DYSF: variants seen among roughly 807,000 people sequenced by gnomAD.
The protein encoded by DYSF is dysferlin, also known as dystrophy-associated fer-1-like 1.
DYSF carries 212 observed loss-of-function variants against 274.9 expected under a neutral mutation model. The observed-to-expected ratio is 0.77, with a 90% CI of 0.69 to 0.86. The LOEUF is 0.86. Ranked by LOEUF, DYSF falls within the 40% of genes least tolerant of loss-of-function variation. DYSF has a pLI of 0.00. For synonymous variants in DYSF, 1,091 were observed against 1,078.7 expected (o/e 1.01, Z -0.22); for missense variants, 2,666 against 2,783.2 (o/e 0.96, Z 0.95).
At position 71,570,337 on chromosome 2, in the gene DYSF, G is replaced by A. The variant is rs769921150; in HGVS notation, c.3085+3G>A. ...CAACCGGGCTGTCGATGAGCAAGGT[G>A]GGCAGCATGTGGAACCTGGCGAGCC... On this transcript the variant is annotated splice_donor_region_variant and intron_variant, in intron 28 of 55. Coordinates refer to ENST00000410020, the MANE Select transcript of DYSF (RefSeq NM_001130987.2). 7 of 1,613,708 alleles carry A rather than the reference G, an allele frequency of 4.3e-6. No individual in the cohort carries two copies. The highest frequency in any genetic ancestry group is 5.1e-6 in the Non-Finnish European group (6 of 1,179,802).
intron 1 of DYSF, 69 bp downstream of exon 1, chr2:71,467,002 T>C: frequency 6.6e-7 from 1 of 1,525,796 alleles, no homozygotes; most frequent in Non-Finnish European, 8.8e-7. Context: ...CTGGCGGGTC[T>C]GAAGCCCCTG....
chr2:71,558,296 G>T (rs1038709051), intron 22 of DYSF, among the ~76,000 whole-genome samples: 1 of 152,148 alleles, frequency 6.6e-6, no homozygotes, highest in Admixed American at 6.5e-5. Flanking sequence ...TGAGGGGGAG[G>T]TGAGGCATTC....
intron 41 of DYSF, among the ~76,000 whole-genome samples, chr2:71,642,924 ATCT>A (rs1214225556): frequency 1.3e-5 from 2 of 152,140 alleles, no homozygotes; most frequent in Non-Finnish European, 2.9e-5. Context: ...CTCCTGGGAG[ATCT>A]TCTAGCCTAC....
At chr2:71,513,687 C>T (rs1476253167) in intron 6 of DYSF, 29 bp from the exon 7 acceptor site, 1 of 1,611,154 alleles carries the variant, frequency 6.2e-7, no homozygotes, top group Admixed American at 1.7e-5. Context: ...CAGAGGGATC[C>T]AGGCCTCATT....
At chr2:71,490,611 G>A (rs1045668236) in intron 3 of DYSF, among the ~76,000 whole-genome samples, 1 of 152,234 alleles carries the variant, frequency 6.6e-6, no homozygotes, top group Non-Finnish European at 1.5e-5. Context: ...ACAGGCGTGA[G>A]CCACTGCGCC....
Position 71,682,601 on chromosome 2 carries a change from T to G in DYSF, c.6245T>G (p.Phe2082Cys). ...KTMKFILWRRFRWAIILFIIL... is the reference protein window; with the variant it reads ...KTMKFILWRRCRWAIILFIIL... ...ATGAAGTTCATCCTGTGGCGGCGTT[T>G]CCGGTGGGCCATCATCCTCTTCATC... The change falls in exon 55 of 56, where the codon TTC becomes TGC. Residue 2082 changes from phenylalanine to cysteine, a missense_variant. Around this residue, in one of 3 missense-constraint regions of DYSF, gnomAD observed 1,460 missense variants for 1,502.1 expected, o/e 0.97. Transcript: ENST00000410020. 6.2e-7 allele frequency: 1 copy of G among 1,614,156 alleles called. No individual in the cohort carries two copies. Among genetic ancestry groups the G allele is most frequent in the East Asian group, 2.2e-5 (1 of 44,876 alleles).
At chr2:71,641,202 G>A (rs1206377866) in intron 41 of DYSF, among the ~76,000 whole-genome samples, 1 of 110,198 alleles carries the variant, frequency 9.1e-6, no homozygotes, top group Middle Eastern at 6.3e-3. Context: ...TTTTTGAGAC[G>A]GAGTCTCGCT....
exon 1 of DYSF, chr2:71,454,041 C>G (rs755484132): frequency 1.2e-5 from 19 of 1,614,182 alleles, no homozygotes; most frequent in Non-Finnish European, 1.6e-5. Context: ...CGTCCACACA[C>G]CCGACACCGA....
intron 30 of DYSF, among the ~76,000 whole-genome samples, chr2:71,580,692 A>G (rs929181555): frequency 2.0e-5 from 3 of 152,148 alleles, no homozygotes; most frequent in Admixed American, 6.5e-5. Flanking sequence ...CACCTGTTCT[A>G]TACCTGGCAT....
chr2:71,478,368 T>A (rs181136801), intron 1 of DYSF, among the ~76,000 whole-genome samples: 1 of 152,032 alleles, frequency 6.6e-6, no homozygotes, highest in East Asian at 1.9e-4. Context: ...CCAGCCACCA[T>A]GCCCGGCTAA....
chr2:71,568,948 C>T (rs1193339115), intron 26 of DYSF, among the ~76,000 whole-genome samples: 6 of 151,798 alleles, frequency 4.0e-5, no homozygotes, highest in African/African-American at 1.2e-4. Context: ...TCTCGGCTCA[C>T]TGCAACCTCC....
intron 24 of DYSF, among the ~76,000 whole-genome samples, chr2:71,565,990 A>T (rs2092076830): frequency 6.6e-6 from 1 of 152,154 alleles, no homozygotes; most frequent in African/African-American, 2.4e-5. Context: ...TGTGTGAGTG[A>T]GTGTGTCTGT....
intron 41 of DYSF, among the ~76,000 whole-genome samples, chr2:71,624,336 C>T (rs1326019645): frequency 6.6e-6 from 1 of 152,086 alleles, no homozygotes; most frequent in African/African-American, 2.4e-5. Context: ...TTAAGGAGAG[C>T]TTCTATTATG....
chr2:71,643,547 T>G (rs1449060128), intron 41 of DYSF, among the ~76,000 whole-genome samples: 3 of 152,184 alleles, frequency 2.0e-5, no homozygotes, highest in Admixed American at 2.0e-4. Context: ...CTACTGCATT[T>G]TGTTCATAAA....
chr2:71,459,928 A>G (rs1365618045), intron 1 of DYSF, among the ~76,000 whole-genome samples: 1 of 152,162 alleles, frequency 6.6e-6, no homozygotes, highest in Non-Finnish European at 1.5e-5. Context: ...GTTTCCAAAC[A>G]GGCCCCTCAA....
At chr2:71,672,786 G>T (rs552517699) in intron 51 of DYSF, among the ~76,000 whole-genome samples, 3 of 152,222 alleles carry the variant, frequency 2.0e-5, no homozygotes, top group African/African-American at 7.2e-5. Flanking sequence ...ATAAAAGCTC[G>T]CCAGAGGAGG....
At chr2:71,475,161 T>TC (rs1288814755) in intron 1 of DYSF, among the ~76,000 whole-genome samples, 9 of 152,282 alleles carry the variant, frequency 5.9e-5, no homozygotes, top group East Asian at 5.8e-4. Context: ...TCAAAGTGGT[T>TC]CAGCCAGGAC....
chr2:71,659,959 C>T (rs1246965923), intron 44 of DYSF, among the ~76,000 whole-genome samples: 1 of 152,242 alleles, frequency 6.6e-6, no homozygotes, highest in Non-Finnish European at 1.5e-5. Flanking sequence ...CCTGTAGCCT[C>T]ACCTTTCAAG....
intron 51 of DYSF, among the ~76,000 whole-genome samples, 190 bp downstream of exon 51, chr2:71,669,936 T>C (rs1248251750): frequency 6.6e-6 from 1 of 152,336 alleles, no homozygotes; most frequent in Non-Finnish European, 1.5e-5. Context: ...CCACCACTGC[T>C]GTCTCAGCAT....
Sources: allele counts gnomAD v4.1 joint callset (sites outside exome capture counted in the v4.1 genomes callset), GRCh38; gene constraint gnomAD v4.1.1; regional missense constraint gnomAD v4.1.1; transcripts MANE v1.5; gene names NCBI Gene and HGNC (gene_info 2026-07-23, HGNC 2026-07-21).